The following PTBP3 variants were observed in gnomAD, a reference collection of about 807,000 sequenced individuals.
PTBP3 encodes the protein polypyrimidine tract binding protein 3.
PTBP3 carries 20 observed loss-of-function variants against 58.7 expected under a neutral mutation model. That is an observed-to-expected ratio of 0.34 (90% CI 0.24 to 0.50). The LOEUF (loss-of-function observed/expected upper bound fraction) is 0.50, where lower values mean the gene tolerates loss of function less well. PTBP3 is among the 20% of genes least tolerant of loss of function. The probability of loss-of-function intolerance (pLI) is 0.98; values close to 1 mark genes in which losing one functional copy is unlikely to be tolerated. For missense variants in PTBP3, 509 were observed against 637.2 expected, an observed-to-expected ratio of 0.80 and a Z score of 2.17; for synonymous variants, 185 against 219.8, an observed-to-expected ratio of 0.84 and a Z score of 1.40.
At chr9:112,320,314 A>ATATTTTTT in intron 1 of PTBP3, among the ~76,000 whole-genome samples, 5 of 75,696 alleles carry the variant, frequency 6.6e-5, no homozygotes, top group Admixed American at 3.3e-4. Flanking sequence ...ATATATATAT[A>ATATTTTTT]TTTTTTTTTA....
upstream of PTBP3, among the ~76,000 whole-genome samples, chr9:112,334,866 A>G (rs558156839): frequency 9.2e-5 from 14 of 152,250 alleles, no homozygotes; most frequent in Non-Finnish European, 1.9e-4. Context: ...TTGACATACA[A>G]CTTTTCAAAT....
chr9:112,294,759 A>C (rs542844291), intron 2 of PTBP3, among the ~76,000 whole-genome samples: 3 of 152,338 alleles, frequency 2.0e-5, no homozygotes, highest in Admixed American at 6.5e-5. Flanking sequence ...AATTCAAAAG[A>C]CTAATAAAAA....
intron 4 of PTBP3, among the ~76,000 whole-genome samples, chr9:112,264,575 C>T (rs1486656757): frequency 6.6e-6 from 1 of 152,184 alleles, no homozygotes; most frequent in Non-Finnish European, 1.5e-5. Context: ...CATCTATCAG[C>T]TTTCTGGGAA....
the PTBP3 span, among the ~76,000 whole-genome samples, chr9:112,369,618 A>G: frequency 6.6e-6 from 1 of 152,206 alleles, no homozygotes; most frequent in Admixed American, 6.5e-5. Flanking sequence ...TTACAGGTTC[A>G]TAGGTGGAAG....
At chr9:112,239,035 C>T (rs1365801968) in intron 7 of PTBP3, among the ~76,000 whole-genome samples, 2 of 151,994 alleles carry the variant, frequency 1.3e-5, no homozygotes, top group Admixed American at 1.3e-4. Context: ...AACAAATTGC[C>T]AAGACTAAAG....
intron 1 of PTBP3, among the ~76,000 whole-genome samples, chr9:112,307,619 A>G (rs192379479): frequency 6.6e-6 from 1 of 152,298 alleles, no homozygotes; most frequent in Non-Finnish European, 1.5e-5. Context: ...ACAAAAGACA[A>G]AGAGAACAAA....
chr9:112,240,735 G>A (rs1012450181), intron 7 of PTBP3, among the ~76,000 whole-genome samples: 6 of 151,776 alleles, frequency 4.0e-5, no homozygotes, highest in African/African-American at 1.5e-4. Flanking sequence ...GTCATTATAG[G>A]AGATGACAGC....
chr9:112,290,132 T>C (rs575330872), intron 2 of PTBP3, among the ~76,000 whole-genome samples: 3 of 152,284 alleles, frequency 2.0e-5, no homozygotes, highest in African/African-American at 7.2e-5. Flanking sequence ...TTGTAAATTA[T>C]AGTGTCAGAG....
In PTBP3 at chr9:112,249,451, GGA is replaced by G. The variant is rs1836016309; in HGVS notation, c.802+1476_802+1477del. Among the ~76,000 whole-genome samples the G allele has an allele frequency of 2.6e-5, 4 of 152,214 alleles. No homozygotes were observed. In the South Asian group the frequency reaches 6.2e-4, roughly 24 times the overall value. ...AGCCAGTGAAGTAGGAAGAAAGTAA[GGA>G]GAGTGGTGTTTCAGAGGCCAAAAGA... is the stretch of plus-strand genomic sequence containing the variant. On this transcript the variant is annotated intron_variant, in intron 7 of 13. Transcript: ENST00000374257.
At position 112,333,516 on chromosome 9, in the gene PTBP3, G is replaced by C; in HGVS notation, c.-98C>G. On this transcript the variant is annotated 5_prime_UTR_variant, in exon 1 of 14. Transcript: ENST00000374257. ...GCGCGCACAGAGCAGGGACTGACGGGCTAACCGCGAGCAGAGGAAGCAGGC... is the reference window on the plus strand; with the variant it reads ...GCGCGCACAGAGCAGGGACTGACGGCCTAACCGCGAGCAGAGGAAGCAGGC... 2 of 1,582,676 alleles carry C rather than the reference G, an allele frequency of 1.3e-6. No individual in the cohort carries two copies. Among genetic ancestry groups the C allele is most frequent in the South Asian group, 2.3e-5 (2 of 87,932 alleles).
chr9:112,265,676 T>C (rs1013018173), intron 4 of PTBP3, among the ~76,000 whole-genome samples: 6 of 152,050 alleles, frequency 3.9e-5, no homozygotes, highest in African/African-American at 1.4e-4. Flanking sequence ...GAACAAGACA[T>C]GCAAGCAGAA....
the PTBP3 span, among the ~76,000 whole-genome samples, chr9:112,362,551 G>A: frequency 6.6e-6 from 1 of 151,518 alleles, no homozygotes; most frequent in Non-Finnish European, 1.5e-5. Context: ...TCCCTTCTGT[G>A]GCTTGTGCTT....
At chr9:112,255,115 A>T (rs1250493101) in intron 5 of PTBP3, among the ~76,000 whole-genome samples, 2 of 152,230 alleles carry the variant, frequency 1.3e-5, no homozygotes, top group African/African-American at 4.8e-5. Context: ...ACAAAAGCAC[A>T]CATACTGCAT....
chr9:112,302,580 A>ATTTTT (rs1828984896), intron 1 of PTBP3, among the ~76,000 whole-genome samples: 15 of 79,454 alleles, frequency 1.9e-4, no homozygotes, highest in South Asian at 6.3e-4. Context: ...TATATTCTTC[A>ATTTTT]TCTTTTTTTT....
intron 2 of PTBP3, among the ~76,000 whole-genome samples, chr9:112,280,220 A>AT (rs1827795834): frequency 2.0e-5 from 3 of 152,026 alleles, no homozygotes; most frequent in Admixed American, 2.0e-4. Flanking sequence ...ACGCCCAGCT[A>AT]ATTTTTGTAT....
At chr9:112,299,363 T>C (rs1828818639) in intron 1 of PTBP3, among the ~76,000 whole-genome samples, 1 of 152,114 alleles carries the variant, frequency 6.6e-6, no homozygotes, top group African/African-American at 2.4e-5. Flanking sequence ...AAAATACTGA[T>C]AACCTAGATA....
intron 12 of PTBP3, among the ~76,000 whole-genome samples, chr9:112,225,683 T>C (rs1165532476): frequency 6.6e-6 from 1 of 152,226 alleles, no homozygotes; most frequent in Non-Finnish European, 1.5e-5. Context: ...AGAATATTAA[T>C]ATCCTTTCTT....
chr9:112,365,160 CTAT>C, the PTBP3 span, among the ~76,000 whole-genome samples: 3 of 79,480 alleles, frequency 3.8e-5, no homozygotes, highest in Non-Finnish European at 9.7e-5. Context: ...ATATGTCTAT[CTAT>C]CTATCTATGT....
At chr9:112,229,564 CAAA>C (rs35366224) in intron 10 of PTBP3, among the ~76,000 whole-genome samples, 10 of 141,426 alleles carry the variant, frequency 7.1e-5, no homozygotes, top group Non-Finnish European at 7.7e-5. Context: ...GACCCTGTCT[CAAA>C]AAAAAAAAAA....
Sources: gnomAD v4.1 joint callset for allele counts (sites outside exome capture counted in the v4.1 genomes callset) on GRCh38, gnomAD v4.1.1 for gene constraint, MANE v1.5 for transcripts, NCBI Gene and HGNC (gene_info 2026-07-23, HGNC 2026-07-21) for gene names.